Variants in HEATR1 observed in about 807,000 individuals in gnomAD.
The protein encoded by HEATR1 is HEAT repeat containing 1, also known as HEAT repeat-containing protein 1.
Under a neutral mutation model 248.2 loss-of-function variants are expected in HEATR1, and 77 were observed. That is an observed-to-expected ratio of 0.31 (90% CI 0.26 to 0.37). The LOEUF is 0.37. Among genes scored for constraint, HEATR1 ranks in the 10% least tolerant of loss-of-function variants. HEATR1 has a pLI of 1.00. For synonymous variants in HEATR1, 897 were observed against 923.1 expected, an observed-to-expected ratio of 0.97 and a Z score of 0.51; for missense variants, 2,420 against 2,504.9, an observed-to-expected ratio of 0.97 and a Z score of 0.72.
chr1:236,595,129 T>C (rs1002828546), intron 8 of HEATR1, among the ~76,000 whole-genome samples: 3 of 152,168 alleles, frequency 2.0e-5, no homozygotes, highest in African/African-American at 7.2e-5. Context: ...ATTTTCTTGG[T>C]CTTATATTTT....
chr1:236,566,927 A>C (rs1257379313), intron 29 of HEATR1, 51 bp from the exon 30 acceptor site: 1 of 1,254,598 alleles, frequency 8.0e-7, no homozygotes, highest in Admixed American at 1.7e-5. Flanking sequence ...ATCTTCCACA[A>C]AACAAGTTTA....
chr1:236,595,930 T>A lies in HEATR1; in HGVS notation c.859A>T (p.Ile287Phe), dbSNP rs770985913. The stretch of plus-strand genomic sequence containing the variant: ...GAGGGAATCTTGGTCAATGTTTTGA[T>A]GATCTGTGATGCCAATGAATTCACA... Reference protein sequence around the residue: ...TFVNSLASQIIKTLTKIPSLI... With the variant: ...TFVNSLASQIFKTLTKIPSLI... Residue 287 changes from isoleucine to phenylalanine, a missense_variant, in exon 7 of 45, where the codon ATC becomes TTC. Physicochemically the swap from Ile to Phe is conservative, Grantham distance 21. Transcript: ENST00000366582. The A allele has an allele frequency of 1.9e-6, 3 of 1,613,944 alleles. No individual in the cohort carries two copies. Among genetic ancestry groups the A allele is most frequent in the Non-Finnish European group, 2.5e-6 (3 of 1,179,808 alleles).
At position 236,555,959 on chromosome 1, in the gene HEATR1, G is replaced by A. The variant is rs1885534; in HGVS notation, c.5515-20C>T. 954,251 of 1,610,090 alleles carry A rather than the reference G, an allele frequency of 0.59. 297,628 individuals carry two copies. The highest frequency in any genetic ancestry group is 0.65 in the Non-Finnish European group (759,602 of 1,176,580). ...GTGATTCTACCAATAACACAGGAAA[G>A]AGATGTGCCATTTTCAAATGATTCC... On this transcript the variant is annotated intron_variant, in intron 38 of 44. Coordinates refer to ENST00000366582, the MANE Select transcript of HEATR1 (RefSeq NM_018072.6).
chr1:236,559,962 C>A, intron 33 of HEATR1, 125 bp from the exon 34 acceptor site: 2 of 989,866 alleles, frequency 2.0e-6, no homozygotes, highest in African/African-American at 1.6e-5. Flanking sequence ...TAAATTATTT[C>A]AAAAACTACT....
intron 28 of HEATR1, among the ~76,000 whole-genome samples, chr1:236,569,801 G>A (rs1013493244): frequency 3.9e-5 from 6 of 152,102 alleles, no homozygotes; most frequent in African/African-American, 1.4e-4. Flanking sequence ...CAGGAGATAT[G>A]AAAACATGTC....
At chr1:236,598,020 C>A in intron 4 of HEATR1, 41 bp from the exon 5 acceptor site, 1 of 1,255,896 alleles carries the variant, frequency 8.0e-7, no homozygotes, top group Non-Finnish European at 1.2e-6. Flanking sequence ...CAACATTCAT[C>A]AACTGATCCT....
At chr1:236,596,775 C>T (rs1354388309) in intron 6 of HEATR1, 61 bp downstream of exon 6, 11 of 1,478,724 alleles carry the variant, frequency 7.4e-6, no homozygotes, top group Middle Eastern at 1.9e-4. Flanking sequence ...AAAAAACTTT[C>T]GAAAGCAAGA....
chr1:236,564,526 A>G lies in HEATR1; in HGVS notation c.4571T>C (p.Leu1524Pro). ...TTTCAGAAAATTATTGGAAGACAGG[A>G]GCTGAGACATGAAGGACACTGACAA... ...KFLSVSFMSQ[L>P]LSSNNFLKKV... The change falls in exon 32 of 45, where the codon CTC becomes CCC. Residue 1524 changes from leucine (L) to proline (P), a missense_variant. Physicochemically the swap from Leu to Pro is moderately conservative, Grantham distance 98. Transcript: ENST00000366582. 1 of 1,613,896 alleles carries G rather than the reference A, an allele frequency of 6.2e-7. No individual in the cohort carries two copies.
chr1:236,550,731 T>C lies in HEATR1; in HGVS notation c.*171A>G, dbSNP rs1572026547. The C allele has an allele frequency of 1.8e-6, 1 of 557,136 alleles. No homozygotes were observed. The highest frequency in any genetic ancestry group is 3.0e-5 in the East Asian group (1 of 33,872). The allele number at this position is 557,136 out of a possible 1,614,324, so 34.5% of individuals were successfully genotyped here. On this transcript the variant is annotated 3_prime_UTR_variant, in exon 45 of 45. Transcript: ENST00000366582. ...CTATACGATAGGCAGGAGAGGCTTA[T>C]GTGGCAGCACAAGCCAGGTGGGGAT... is the stretch of plus-strand genomic sequence containing the variant.
intron 7 of HEATR1, 60 bp from the exon 8 acceptor site, chr1:236,595,733 T>A: frequency 6.5e-7 from 1 of 1,528,406 alleles, no homozygotes; most frequent in Non-Finnish European, 9.0e-7. Flanking sequence ...TGAGTAACAA[T>A]ATAAGAAAAT....
chr1:236,558,949 A>C (rs1348175122), intron 35 of HEATR1, 46 bp downstream of exon 35: 2 of 1,508,962 alleles, frequency 1.3e-6, no homozygotes, highest in African/African-American at 2.8e-5. Flanking sequence ...CAGCTCTTTG[A>C]TAAAGCAAAG....
At chr1:236,564,869 G>A (rs1663228965) in intron 31 of HEATR1, among the ~76,000 whole-genome samples, 1 of 152,180 alleles carries the variant, frequency 6.6e-6, no homozygotes, top group South Asian at 2.1e-4. Context: ...GTGGCCCTGA[G>A]AAGCGAGTGT....
Position 236,572,410 on chromosome 1 carries a change from C to G in HEATR1, c.3707+1G>C. ...CACAGATCAAAGCCAAGTGTCATTA[C>G]CTTGATAGCAAGTTAAAAAGAGTTG... On this transcript the variant is annotated splice_donor_variant, in intron 26 of 44. Coordinates refer to ENST00000366582, the MANE Select transcript of HEATR1 (RefSeq NM_018072.6). LOFTEE classifies it high-confidence loss of function. 2 of 1,613,878 alleles carry G rather than the reference C, an allele frequency of 1.2e-6. No homozygotes were observed. Among genetic ancestry groups the G allele is most frequent in the Non-Finnish European group, 1.7e-6 (2 of 1,179,870 alleles).
intron 14 of HEATR1, 26 bp from the exon 15 acceptor site, chr1:236,586,478 T>C (rs1035802780): frequency 1.3e-6 from 2 of 1,532,194 alleles, no homozygotes; most frequent in Non-Finnish European, 1.8e-6. Context: ...GCACACTTGG[T>C]TGAAAGACAC....
At position 236,570,237 on chromosome 1, in the gene HEATR1, T is replaced by C. The variant is rs184935972; in HGVS notation, c.3949-1113A>G. ...CCAAGAGGCAGAGCTTGCAGTGAGC[T>C]GAGATCGCGCCACTGCACTCCAGCC... On this transcript the variant is annotated intron_variant, in intron 28 of 44. Transcript: ENST00000366582. Among the ~76,000 whole-genome samples, 52 of 152,226 alleles carry C rather than the reference T, an allele frequency of 3.4e-4. No homozygotes were observed. In the Middle Eastern group the frequency reaches 0.01, roughly 30 times the overall value.
chr1:236,584,969 G>A, intron 17 of HEATR1, 56 bp downstream of exon 17: 2 of 1,466,086 alleles, frequency 1.4e-6, no homozygotes, highest in Admixed American at 2.0e-5. Flanking sequence ...GTGACTAATA[G>A]GCCAGGCTGT....
Position 236,582,876 on chromosome 1 carries a change from C to A in HEATR1, c.2426-4G>T. ...TCAGGATTCCACCATATATCACCTA[C>A]AAGGACATGGAAAGAGAAATGATGC... On this transcript the variant is annotated splice_region_variant and splice_polypyrimidine_tract_variant and intron_variant, in intron 18 of 44. Coordinates refer to ENST00000366582, the MANE Select transcript of HEATR1 (RefSeq NM_018072.6). 1.2e-6 allele frequency: 2 copies of A among 1,613,922 alleles called. No homozygotes were observed. The highest frequency in any genetic ancestry group is 1.7e-6 in the Non-Finnish European group (2 of 1,179,816).
chr1:236,589,456 A>T (rs1234204194), intron 12 of HEATR1, among the ~76,000 whole-genome samples: 1 of 152,118 alleles, frequency 6.6e-6, no homozygotes, highest in Non-Finnish European at 1.5e-5. Flanking sequence ...ACTTAAAATT[A>T]AGTATAACTC....
rs1558177668 is a variant in HEATR1 at position 236,557,361 on chromosome 1, G to T, written c.5205-16C>A. ...TGGCATCAGGCTAGAAACAAAGTAA[G>T]AGCTTTAGAAGAACTTGAAGCAGAA... On this transcript the variant is annotated splice_polypyrimidine_tract_variant and intron_variant, in intron 36 of 44. Coordinates refer to ENST00000366582, the MANE Select transcript of HEATR1 (RefSeq NM_018072.6). 1.2e-6 allele frequency: 2 copies of T among 1,612,828 alleles called. No homozygotes were observed. Among genetic ancestry groups the T allele is most frequent in the Non-Finnish European group, 1.7e-6 (2 of 1,179,318 alleles).
Sources: allele counts gnomAD v4.1 joint callset (sites outside exome capture counted in the v4.1 genomes callset), GRCh38; gene constraint gnomAD v4.1.1; transcripts MANE v1.5; gene names NCBI Gene and HGNC (gene_info 2026-07-23, HGNC 2026-07-21).